Variants in PAX7 observed in about 807,000 individuals in gnomAD.
The protein encoded by PAX7 is paired box 7, also known as paired box protein Pax-7.
Under a neutral mutation model 50.7 loss-of-function variants are expected in PAX7, and 18 were observed. That is an observed-to-expected ratio of 0.36 (90% confidence interval 0.25 to 0.53). The LOEUF (loss-of-function observed/expected upper bound fraction) is 0.53. Among genes scored for constraint, PAX7 ranks in the 20% least tolerant of loss-of-function variants. The probability of loss-of-function intolerance (pLI) is 0.93; values close to 1 mark genes in which losing one functional copy is unlikely to be tolerated. For synonymous variants in PAX7, 310 were observed against 290.4 expected (o/e 1.07, Z -0.69); for missense variants, 644 against 702.9 (o/e 0.92, Z 0.95).
At chr1:18,670,316 C>G (rs1369767054) in intron 4 of PAX7, among the ~76,000 whole-genome samples, 1 of 152,150 alleles carries the variant, frequency 6.6e-6, no homozygotes, top group Admixed American at 6.5e-5. Context: ...ATGGGTGTGG[C>G]TGAGTCTCCT....
chr1:18,657,129 C>T (rs892093898), intron 4 of PAX7, among the ~76,000 whole-genome samples: 2 of 152,118 alleles, frequency 1.3e-5, no homozygotes, highest in Non-Finnish European at 2.9e-5. Flanking sequence ...ATTCAACCCA[C>T]GACCCCACCT....
intron 4 of PAX7, among the ~76,000 whole-genome samples, chr1:18,668,439 A>C (rs1428185999): frequency 6.6e-6 from 1 of 152,108 alleles, no homozygotes; most frequent in African/African-American, 2.4e-5. Flanking sequence ...GGTGGCTCAC[A>C]CCTGTAATCC....
intron 4 of PAX7, among the ~76,000 whole-genome samples, chr1:18,674,663 G>T (rs530930424): frequency 6.6e-6 from 1 of 152,224 alleles, no homozygotes; most frequent in African/African-American, 2.4e-5. Context: ...TTGGAGCCAC[G>T]AGGGGCTAGG....
chr1:18,681,050 C>A (rs11800722), intron 4 of PAX7, among the ~76,000 whole-genome samples: 3,540 of 151,092 alleles, frequency 0.023, 151 homozygotes, highest in African/African-American at 0.081. Context: ...GCCTGTAATC[C>A]CAGCTACTCG....
At chr1:18,672,963 G>A (rs914001040) in intron 4 of PAX7, among the ~76,000 whole-genome samples, 1 of 152,098 alleles carries the variant, frequency 6.6e-6, no homozygotes, top group African/African-American at 2.4e-5. Flanking sequence ...ACAGCACGGC[G>A]CTGATGCGGG....
Position 18,645,236 on chromosome 1 carries a change from C to A in PAX7, c.586+8865C>A, listed in dbSNP as rs1304673390. Among the ~76,000 whole-genome samples, 6 of 152,206 alleles carry A rather than the reference C, an allele frequency of 3.9e-5. No homozygotes were observed. The East Asian group carries it at 1.2e-3, about 29-fold the overall frequency. ...CCCCAAGCTGACCTCTGGAGTGGCC[C>A]GCGTCGGCGGGCTGGGCCTTGCTTC... On this transcript the variant is annotated intron_variant, in intron 4 of 8. Transcript: ENST00000420770.
At chr1:18,684,111 C>A (rs568788214) in intron 4 of PAX7, among the ~76,000 whole-genome samples, 26 of 152,286 alleles carry the variant, frequency 1.7e-4, no homozygotes, top group African/African-American at 5.3e-4. Context: ...GAGGGTGGGA[C>A]AGGGCATGGG....
intron 4 of PAX7, among the ~76,000 whole-genome samples, chr1:18,667,067 C>A (rs2088679558): frequency 6.6e-6 from 1 of 152,086 alleles, no homozygotes; most frequent in Non-Finnish European, 1.5e-5. Flanking sequence ...TTGGACAGTT[C>A]TTCGTTTGGT....
At chr1:18,648,766 G>A (rs1461859029) in intron 4 of PAX7, among the ~76,000 whole-genome samples, 2 of 152,216 alleles carry the variant, frequency 1.3e-5, no homozygotes, top group African/African-American at 4.8e-5. Context: ...AGGGCAGCGG[G>A]GAGCCATGGA....
chr1:18,675,856 G>A (rs755029535), intron 4 of PAX7, among the ~76,000 whole-genome samples: 12 of 151,838 alleles, frequency 7.9e-5, no homozygotes, highest in East Asian at 1.9e-4. Context: ...CAGGAGTCCC[G>A]GCAGCGGGGA....
At chr1:18,717,309 G>T (rs906147152) in intron 7 of PAX7, among the ~76,000 whole-genome samples, 2 of 152,188 alleles carry the variant, frequency 1.3e-5, no homozygotes, top group Non-Finnish European at 2.9e-5. Context: ...TCGGGACGGG[G>T]CAGGCGGCGA....
At chr1:18,690,894 G>C (rs1417227250) in intron 4 of PAX7, among the ~76,000 whole-genome samples, 1 of 152,202 alleles carries the variant, frequency 6.6e-6, no homozygotes, top group Non-Finnish European at 1.5e-5. Flanking sequence ...GCCCGAGGAG[G>C]GGAGGTGGCC....
chr1:18,693,000 G>T (rs2089097193), intron 5 of PAX7, among the ~76,000 whole-genome samples: 2 of 152,182 alleles, frequency 1.3e-5, no homozygotes, highest in South Asian at 4.1e-4. Flanking sequence ...CCAAGTGCAG[G>T]AGCCTCTCTG....
At chr1:18,697,327 G>A (rs2089162626) in intron 5 of PAX7, among the ~76,000 whole-genome samples, 1 of 152,204 alleles carries the variant, frequency 6.6e-6, no homozygotes, top group African/African-American at 2.4e-5. Context: ...GTCCCTTTTA[G>A]AGCGTTTATT....
intron 4 of PAX7, among the ~76,000 whole-genome samples, chr1:18,687,920 G>A (rs971817843): frequency 1.3e-5 from 2 of 152,158 alleles, no homozygotes; most frequent in African/African-American, 4.8e-5. Flanking sequence ...GAGACAGGAA[G>A]GAATTAGACC....
chr1:18,693,524 T>G (rs577626885), intron 5 of PAX7, among the ~76,000 whole-genome samples: 2 of 152,280 alleles, frequency 1.3e-5, no homozygotes, highest in South Asian at 4.1e-4. Flanking sequence ...TGAAAGCAAC[T>G]GGGACAATCC....
intron 4 of PAX7, among the ~76,000 whole-genome samples, chr1:18,651,827 C>A (rs1352622127): frequency 3.4e-5 from 5 of 146,428 alleles, no homozygotes; most frequent in South Asian, 2.2e-4. Flanking sequence ...CCCCGCCCCC[C>A]CCACCCCACC....
chr1:18,672,620 G>A (rs1220361047), intron 4 of PAX7, among the ~76,000 whole-genome samples: 3 of 84,274 alleles, frequency 3.6e-5, no homozygotes, highest in African/African-American at 5.8e-5. Flanking sequence ...TTTTTTTTGT[G>A]AGACTAAGTC....
intron 8 of PAX7, among the ~76,000 whole-genome samples, chr1:18,739,478 C>T (rs926075097): frequency 5.9e-5 from 9 of 152,232 alleles, no homozygotes; most frequent in Non-Finnish European, 8.8e-5. Context: ...TATTGAGCAT[C>T]TACTATGGGT....
Sources: gnomAD v4.1 joint callset for allele counts (sites outside exome capture counted in the v4.1 genomes callset) on GRCh38, gnomAD v4.1.1 for gene constraint, MANE v1.5 for transcripts, NCBI Gene and HGNC (gene_info 2026-07-23, HGNC 2026-07-21) for gene names.